GRIA4: variants seen among roughly 807,000 people sequenced by gnomAD.
GRIA4 encodes the protein glutamate ionotropic receptor AMPA type subunit 4, also known as glutamate receptor 4.
In GRIA4, 34 loss-of-function variants were observed where a neutral mutation model predicts 104.0. The observed-to-expected ratio is 0.33, with a 90% CI of 0.25 to 0.44. The LOEUF (loss-of-function observed/expected upper bound fraction) is 0.44, where lower values mean the gene tolerates loss of function less well. Among genes scored for constraint, GRIA4 ranks in the 20% least tolerant of loss-of-function variants. The pLI is 1.00. For synonymous variants in GRIA4, 386 were observed against 381.9 expected (o/e 1.01, Z -0.13); for missense variants, 750 against 1,096.5 (o/e 0.68, Z 4.46).
chr11:105,619,382 G>C (rs1194168528), intron 3 of GRIA4, among the ~76,000 whole-genome samples: 1 of 151,820 alleles, frequency 6.6e-6, no homozygotes, highest in Non-Finnish European at 1.5e-5. Context: ...TTCATTTTCT[G>C]TGTCATATGG....
At chr11:105,772,641 T>C (rs1417178563) in intron 4 of GRIA4, among the ~76,000 whole-genome samples, 11 of 152,040 alleles carry the variant, frequency 7.2e-5, no homozygotes, top group African/African-American at 2.4e-4. Flanking sequence ...GTCAACTGTA[T>C]ATATTATCCA....
intron 4 of GRIA4, among the ~76,000 whole-genome samples, chr11:105,817,218 G>A (rs2135890445): frequency 6.6e-6 from 1 of 151,338 alleles, no homozygotes; most frequent in African/African-American, 2.4e-5. Flanking sequence ...ATGAAATGTT[G>A]GTAAATCATC....
At chr11:105,843,493 T>C (rs1944468379) in intron 4 of GRIA4, among the ~76,000 whole-genome samples, 1 of 152,242 alleles carries the variant, frequency 6.6e-6, no homozygotes, top group African/African-American at 2.4e-5. Flanking sequence ...ATCCAATTGA[T>C]ACATTCTGTC....
At chr11:105,925,988 C>T (rs550058030) in intron 12 of GRIA4, among the ~76,000 whole-genome samples, 1 of 152,112 alleles carries the variant, frequency 6.6e-6, no homozygotes, top group South Asian at 2.1e-4. Flanking sequence ...CACACTCACC[C>T]ACACATCCTT....
intron 3 of GRIA4, among the ~76,000 whole-genome samples, chr11:105,636,450 A>T (rs890604787): frequency 3.9e-5 from 6 of 152,042 alleles, no homozygotes; most frequent in African/African-American, 1.4e-4. Flanking sequence ...TACTTTCCTT[A>T]CCCTACCTGA....
intron 14 of GRIA4, among the ~76,000 whole-genome samples, 194 bp from the exon 15 acceptor site, chr11:105,971,720 G>A (rs1210695177): frequency 2.0e-5 from 3 of 152,100 alleles, no homozygotes; most frequent in African/African-American, 7.2e-5. Flanking sequence ...CTCCCTAGCA[G>A]TATGTGCCTG....
At chr11:105,963,422 C>A (rs897506887) in intron 14 of GRIA4, among the ~76,000 whole-genome samples, 1 of 152,056 alleles carries the variant, frequency 6.6e-6, no homozygotes, top group African/African-American at 2.4e-5. Context: ...TTGTAGAAAA[C>A]CACAGACACT....
At chr11:105,941,680 G>C (rs567658937) in intron 14 of GRIA4, among the ~76,000 whole-genome samples, 3 of 152,170 alleles carry the variant, frequency 2.0e-5, no homozygotes, top group South Asian at 4.1e-4. Flanking sequence ...GCCAGAATAA[G>C]AATTCAATTG....
At chr11:105,614,363 G>A (rs1215912303) in intron 3 of GRIA4, 1 of 151,534 alleles carries the variant, frequency 6.6e-6, no homozygotes, top group Non-Finnish European at 1.5e-5. Context: ...AACCTCATTT[G>A]GGATAACTGT....
chr11:105,620,786 A>T (rs1158626549), intron 3 of GRIA4, among the ~76,000 whole-genome samples: 2 of 151,916 alleles, frequency 1.3e-5, no homozygotes, highest in African/African-American at 4.8e-5. Flanking sequence ...TTAGTTGGCC[A>T]GTCTACATAT....
chr11:105,674,111 A>G (rs948223339), intron 3 of GRIA4, among the ~76,000 whole-genome samples: 1 of 152,036 alleles, frequency 6.6e-6, no homozygotes, highest in Non-Finnish European at 1.5e-5. Flanking sequence ...ATGTGTAAAT[A>G]TATGTGGAAC....
chr11:105,786,668 G>A (rs950741979), intron 4 of GRIA4, among the ~76,000 whole-genome samples: 3 of 152,084 alleles, frequency 2.0e-5, no homozygotes, highest in Non-Finnish European at 2.9e-5. Context: ...TTTATTAAAC[G>A]TGTATGTGTG....
intron 3 of GRIA4, among the ~76,000 whole-genome samples, chr11:105,634,365 A>AG (rs1174427956): frequency 2.7e-5 from 4 of 150,312 alleles, no homozygotes; most frequent in Non-Finnish European, 5.9e-5. Context: ...AAAAAAAAAA[A>AG]AAAAGAAGAA....
intron 3 of GRIA4, among the ~76,000 whole-genome samples, chr11:105,704,286 A>G (rs909975736): frequency 1.4e-4 from 21 of 152,094 alleles, no homozygotes; most frequent in African/African-American, 5.1e-4. Flanking sequence ...AAATCAGGAA[A>G]GGCATTCTAG....
In GRIA4 at chr11:105,725,048, T is replaced by C. The variant is rs373718788; in HGVS notation, c.248-27933T>C. Among the ~76,000 whole-genome samples the C allele has an allele frequency of 5.8e-4, 88 of 152,300 alleles. No homozygotes were observed. In the South Asian group the frequency reaches 0.017, roughly 29 times the overall value. Reference sequence around the variant, plus strand: ...AAATCTTAATCTCTCTGAGCTTTAGTTTCTTCATTTATAAAATGAGGATAA... The same window carrying C: ...AAATCTTAATCTCTCTGAGCTTTAGCTTCTTCATTTATAAAATGAGGATAA... On this transcript the variant is annotated intron_variant, in intron 3 of 16. Transcript: ENST00000282499.
chr11:105,877,727 G>A (rs1030497417), intron 5 of GRIA4, among the ~76,000 whole-genome samples: 1 of 151,966 alleles, frequency 6.6e-6, no homozygotes, highest in Admixed American at 6.6e-5. Context: ...TACGCTTCAC[G>A]AAGTTCTCAT....
chr11:105,634,520 GA>G (rs745473460), intron 3 of GRIA4, among the ~76,000 whole-genome samples: 12 of 89,076 alleles, frequency 1.3e-4, no homozygotes, highest in East Asian at 7.1e-4. Flanking sequence ...AAAGAAGAAA[GA>G]AAGAAAGAAA....
chr11:105,722,636 T>A (rs140471863), intron 3 of GRIA4, among the ~76,000 whole-genome samples: 1 of 152,158 alleles, frequency 6.6e-6, no homozygotes, highest in East Asian at 1.9e-4. Context: ...GATACTACTA[T>A]TTCTTTAATA....
At chr11:105,661,695 A>AG (rs1555093630) in intron 3 of GRIA4, among the ~76,000 whole-genome samples, 2 of 151,468 alleles carry the variant, frequency 1.3e-5, no homozygotes, top group Admixed American at 1.3e-4. Flanking sequence ...CAGAGAGAAA[A>AG]AGAAGAGGAA....
Sources: allele counts gnomAD v4.1 joint callset (sites outside exome capture counted in the v4.1 genomes callset), GRCh38; gene constraint gnomAD v4.1.1; transcripts MANE v1.5; gene names NCBI Gene and HGNC (gene_info 2026-07-23, HGNC 2026-07-21).